The following NKAIN2 variants were observed in gnomAD, a reference collection of about 807,000 sequenced individuals.
NKAIN2 encodes the protein sodium/potassium-transporting ATPase subunit beta-1-interacting protein 2.
A neutral mutation model predicts 32.6 loss-of-function variants in NKAIN2; 14 were observed. That is an observed-to-expected ratio of 0.43 (90% CI 0.28 to 0.67). NKAIN2 has a LOEUF of 0.67. Ranked by LOEUF, NKAIN2 falls within the 30% of genes least tolerant of loss-of-function variation. The pLI, the probability that NKAIN2 is intolerant of heterozygous loss-of-function variation, is 0.17. For missense variants in NKAIN2, 198 were observed against 258.3 expected, an observed-to-expected ratio of 0.77 and a Z score of 1.60; for synonymous variants, 80 against 87.2, an observed-to-expected ratio of 0.92 and a Z score of 0.46.
At chr6:124,253,985 T>C (rs1397096887) in intron 1 of NKAIN2, among the ~76,000 whole-genome samples, 1 of 146,694 alleles carries the variant, frequency 6.8e-6, no homozygotes, top group African/African-American at 2.5e-5. Flanking sequence ...GCCTGGCTAA[T>C]TTTGTATTTT....
At chr6:124,142,643 T>C (rs759031503) in intron 1 of NKAIN2, among the ~76,000 whole-genome samples, 3 of 152,172 alleles carry the variant, frequency 2.0e-5, no homozygotes, top group Admixed American at 6.5e-5. Flanking sequence ...TCTTTGTGTT[T>C]TATTTGATAA....
rs183976865 is a variant in NKAIN2 at position 123,938,690 on chromosome 6, A to G, written c.54+134436A>G. The stretch of plus-strand genomic sequence containing the variant: ...AGAGAATGGCCTGCATTTATTGACT[A>G]TTGCAATCCTACTTGATACTAAAAA... On this transcript the variant is annotated intron_variant, in intron 1 of 6. Transcript: ENST00000368417. Among the ~76,000 whole-genome samples, 8 of 148,704 alleles carry G rather than the reference A, an allele frequency of 5.4e-5. No individual in the cohort carries two copies. The East Asian group carries it at 1.6e-3, about 29-fold the overall frequency.
chr6:123,974,059 A>G (rs1178172412), intron 1 of NKAIN2, among the ~76,000 whole-genome samples: 1 of 152,202 alleles, frequency 6.6e-6, no homozygotes. Context: ...CATATAAATG[A>G]TGAAAATGAA....
intron 1 of NKAIN2, among the ~76,000 whole-genome samples, chr6:123,838,849 G>T (rs566224813): frequency 6.6e-6 from 1 of 152,136 alleles, no homozygotes; most frequent in African/African-American, 2.4e-5. Context: ...CTAGAAAAAG[G>T]CAATTTACCT....
At chr6:124,228,783 T>C (rs79805486) in intron 1 of NKAIN2, among the ~76,000 whole-genome samples, 1,946 of 152,322 alleles carry the variant, frequency 0.013, 39 homozygotes, top group African/African-American at 0.045. Flanking sequence ...CAATTTTTAA[T>C]GTAAAATGAA....
chr6:124,683,732 A>G (rs1217964020), intron 4 of NKAIN2, among the ~76,000 whole-genome samples: 2 of 152,190 alleles, frequency 1.3e-5, no homozygotes, highest in African/African-American at 4.8e-5. Context: ...TCACTCAAGC[A>G]TAAGCATTGG....
At chr6:124,803,934 C>T (rs1420636131) in intron 5 of NKAIN2, among the ~76,000 whole-genome samples, 7 of 152,162 alleles carry the variant, frequency 4.6e-5, no homozygotes, top group South Asian at 2.1e-4. Context: ...TATACCTCTA[C>T]GTATTACACA....
chr6:124,085,572 A>G (rs1784158320), intron 1 of NKAIN2, among the ~76,000 whole-genome samples: 1 of 151,726 alleles, frequency 6.6e-6, no homozygotes, highest in Non-Finnish European at 1.5e-5. Context: ...CTGTTTCTTC[A>G]TGTGTACACT....
intron 2 of NKAIN2, among the ~76,000 whole-genome samples, chr6:124,347,423 A>G (rs1191969421): frequency 2.6e-5 from 4 of 152,148 alleles, no homozygotes; most frequent in African/African-American, 9.7e-5. Flanking sequence ...AATATCCTGC[A>G]GAGTGTTTTC....
intron 1 of NKAIN2, among the ~76,000 whole-genome samples, chr6:123,977,282 G>A (rs149657466): frequency 6.6e-6 from 1 of 152,234 alleles, no homozygotes; most frequent in African/African-American, 2.4e-5. Context: ...AAGGTGGTGT[G>A]TGCCTGTATG....
rs148515847 is a variant in NKAIN2 at position 124,434,447 on chromosome 6, G to A, written c.273+79100G>A. ...TTCAAAATCATCTGTAGATGATTTC[G>A]AATGCACCGTATCTATTTCATCATT... On this transcript the variant is annotated intron_variant, in intron 3 of 6. Coordinates refer to ENST00000368417, the MANE Select transcript of NKAIN2 (RefSeq NM_001040214.3). 2.7e-3 allele frequency among the ~76,000 whole-genome samples: 407 copies of A among 152,104 alleles called. 1 individual carries two copies. Among genetic ancestry groups the A allele is most frequent in the African/African-American group, 9.5e-3 (394 of 41,502 alleles).
intron 1 of NKAIN2, among the ~76,000 whole-genome samples, chr6:123,908,670 C>T (rs112296141): frequency 8.2e-4 from 125 of 151,580 alleles, no homozygotes; most frequent in African/African-American, 2.8e-3. Context: ...AATCATTAAA[C>T]TCCTCAAAGG....
intron 3 of NKAIN2, among the ~76,000 whole-genome samples, chr6:124,429,041 C>CT (rs910138567): frequency 6.6e-5 from 10 of 151,764 alleles, no homozygotes; most frequent in South Asian, 2.1e-4. Flanking sequence ...TACTTTTACT[C>CT]TTTTTTTTAT....
intron 5 of NKAIN2, among the ~76,000 whole-genome samples, chr6:124,792,489 T>C (rs916996903): frequency 1.3e-5 from 2 of 152,174 alleles, no homozygotes; most frequent in Non-Finnish European, 2.9e-5. Context: ...TATTCCTCAG[T>C]ATTTCAAGTG....
At chr6:124,485,169 G>C (rs1777604930) in intron 3 of NKAIN2, among the ~76,000 whole-genome samples, 1 of 152,078 alleles carries the variant, frequency 6.6e-6, no homozygotes, top group African/African-American at 2.4e-5. Context: ...GATGGGCCAG[G>C]ACCAGCAGCA....
At chr6:123,915,088 G>T (rs1167390288) in intron 1 of NKAIN2, among the ~76,000 whole-genome samples, 1 of 152,166 alleles carries the variant, frequency 6.6e-6, no homozygotes, top group Non-Finnish European at 1.5e-5. Flanking sequence ...TCGAAGAGGT[G>T]TCCAGCTCAG....
At chr6:123,837,993 C>T (rs1451913702) in intron 1 of NKAIN2, among the ~76,000 whole-genome samples, 2 of 151,990 alleles carry the variant, frequency 1.3e-5, no homozygotes, top group East Asian at 3.9e-4. Flanking sequence ...ATAAAGTATA[C>T]CTTGGTAGTA....
rs144291890 is a variant in NKAIN2 at position 124,377,609 on chromosome 6, A to T, written c.273+22262A>T. On this transcript the variant is annotated intron_variant, in intron 3 of 6. Transcript: ENST00000368417. ...TAAAAAGCTGAGAACTTCACTGGCC[A>T]GGAGAGCAAGAGAAAGAGGAAGAGA... Among the ~76,000 whole-genome samples, 5 of 152,306 alleles carry T rather than the reference A, an allele frequency of 3.3e-5. No individual in the cohort carries two copies. The East Asian group carries it at 9.7e-4, about 29-fold the overall frequency.
intron 1 of NKAIN2, among the ~76,000 whole-genome samples, chr6:124,094,488 C>T (rs1784567884): frequency 6.6e-6 from 1 of 152,008 alleles, no homozygotes; most frequent in Non-Finnish European, 1.5e-5. Context: ...TACAGGAATC[C>T]ACATGTTAGG....
Sources: allele counts gnomAD v4.1 joint callset (sites outside exome capture counted in the v4.1 genomes callset), GRCh38; gene constraint gnomAD v4.1.1; transcripts MANE v1.5; gene names NCBI Gene and HGNC (gene_info 2026-07-23, HGNC 2026-07-21).